Variants in AGMO observed in about 807,000 individuals in gnomAD.
AGMO encodes alkylglycerol monooxygenase.
AGMO carries 75 observed loss-of-function variants against 60.2 expected under a neutral mutation model. The ratio of observed to expected loss-of-function variants is 1.25; its 90% confidence interval spans 1.03 to 1.51. The LOEUF (loss-of-function observed/expected upper bound fraction) is 1.51. Ranked by LOEUF, AGMO falls within the 40% of genes most tolerant of loss-of-function variation. AGMO has a pLI of 0.00. For missense variants in AGMO, 763 were observed against 525.5 expected, an observed-to-expected ratio of 1.45 and a Z score of -4.42; for synonymous variants, 261 against 177.1, an observed-to-expected ratio of 1.47 and a Z score of -3.76.
chr7:15,519,316 G>C (rs1033434621), intron 3 of AGMO, among the ~76,000 whole-genome samples: 1 of 151,648 alleles, frequency 6.6e-6, no homozygotes. Flanking sequence ...ACACCACAAA[G>C]ATTAGCCTTG....
rs552125129 is a variant in AGMO, at chr7:15,439,803, C to T, written c.410-8695G>A. The stretch of plus-strand genomic sequence containing the variant: ...TACTACCTACAAATACAAAGAGTTG[C>T]GTGATATAGTGTGAAACATGCCAGA... On this transcript the variant is annotated intron_variant, in intron 3 of 12. Transcript: ENST00000342526. 4.6e-4 allele frequency among the ~76,000 whole-genome samples: 70 copies of T among 152,102 alleles called. 1 individual carries two copies. The highest frequency in any genetic ancestry group is 2.4e-4 in the Non-Finnish European group (16 of 67,998).
At chr7:15,327,348 G>T (rs1324467577) in intron 12 of AGMO, among the ~76,000 whole-genome samples, 1 of 152,104 alleles carries the variant, frequency 6.6e-6, no homozygotes, top group East Asian at 1.9e-4. Flanking sequence ...AAACATCTTG[G>T]GATATGGCAA....
chr7:15,267,774 T>A (rs1284091155), intron 12 of AGMO, among the ~76,000 whole-genome samples: 12 of 151,928 alleles, frequency 7.9e-5, no homozygotes, highest in Non-Finnish European at 2.9e-5. Flanking sequence ...GAAAAACTTG[T>A]AACAAAATGG....
intron 11 of AGMO, among the ~76,000 whole-genome samples, chr7:15,365,932 A>T (rs1782959269): frequency 6.6e-6 from 1 of 152,064 alleles, no homozygotes; most frequent in African/African-American, 2.4e-5. Context: ...CACTGATTTA[A>T]TGTCTTCATA....
At chr7:15,123,682 T>C in the AGMO span, among the ~76,000 whole-genome samples, 1 of 151,964 alleles carries the variant, frequency 6.6e-6, no homozygotes, top group Non-Finnish European at 1.5e-5. Context: ...ATAAGATAAA[T>C]TAGAAATCAT....
At chr7:15,524,653 G>T (rs893676201) in intron 3 of AGMO, among the ~76,000 whole-genome samples, 1 of 151,858 alleles carries the variant, frequency 6.6e-6, no homozygotes, top group Non-Finnish European at 1.5e-5. Context: ...ACCTAAGGTT[G>T]GGAGTTTGAG....
intron 12 of AGMO, among the ~76,000 whole-genome samples, chr7:15,231,135 A>G (rs1782247431): frequency 6.6e-6 from 1 of 152,180 alleles, no homozygotes; most frequent in Non-Finnish European, 1.5e-5. Flanking sequence ...GTGTAACAAA[A>G]TATAGACTGC....
At chr7:15,547,081 A>C (rs79511682) in intron 2 of AGMO, among the ~76,000 whole-genome samples, 1,911 of 152,294 alleles carry the variant, frequency 0.013, 26 homozygotes, top group African/African-American at 0.043. Flanking sequence ...TAACACTATT[A>C]CAATTTGGGC....
intron 12 of AGMO, among the ~76,000 whole-genome samples, chr7:15,347,099 CTG>C (rs1403762792): frequency 6.6e-6 from 1 of 152,002 alleles, no homozygotes; most frequent in Non-Finnish European, 1.5e-5. Flanking sequence ...TTAAATGACT[CTG>C]TGAAACATTC....
chr7:15,132,769 T>C, the AGMO span, among the ~76,000 whole-genome samples: 16 of 152,128 alleles, frequency 1.1e-4, no homozygotes, highest in Admixed American at 2.6e-4. Context: ...AATTAAACCA[T>C]AGATAAATGA....
chr7:15,422,369 T>A (rs780895154), intron 4 of AGMO, among the ~76,000 whole-genome samples: 8 of 151,866 alleles, frequency 5.3e-5, no homozygotes, highest in Non-Finnish European at 1.0e-4. Context: ...GAGTATTTGA[T>A]AGCACAAAGT....
intron 3 of AGMO, among the ~76,000 whole-genome samples, chr7:15,441,382 T>C (rs957272465): frequency 1.3e-5 from 2 of 152,248 alleles, no homozygotes; most frequent in Non-Finnish European, 1.5e-5. Flanking sequence ...AATCGAATTC[T>C]GGTGCACTTT....
At chr7:15,549,274 C>G (rs1784877007) in intron 2 of AGMO, among the ~76,000 whole-genome samples, 1 of 146,186 alleles carries the variant, frequency 6.8e-6, no homozygotes, top group Admixed American at 6.8e-5. Context: ...AGCAAAATCA[C>G]CAGCTAACAT....
chr7:15,336,493 C>A (rs1781665811), intron 12 of AGMO, among the ~76,000 whole-genome samples: 1 of 151,836 alleles, frequency 6.6e-6, no homozygotes, highest in African/African-American at 2.4e-5. Context: ...ATCCCAAAAT[C>A]AATCTTACTA....
chr7:15,488,964 A>T (rs1419428181), intron 3 of AGMO, among the ~76,000 whole-genome samples: 1 of 152,170 alleles, frequency 6.6e-6, no homozygotes, highest in East Asian at 1.9e-4. Flanking sequence ...CTTCAAACTG[A>T]ATGACTTGGA....
chr7:15,515,752 A>G (rs2128532656), intron 3 of AGMO, among the ~76,000 whole-genome samples: 1 of 152,306 alleles, frequency 6.6e-6, no homozygotes, highest in African/African-American at 2.4e-5. Context: ...AAAAAGCACA[A>G]TGTTGTCCTG....
intron 12 of AGMO, among the ~76,000 whole-genome samples, chr7:15,212,248 A>G (rs925113823): frequency 3.6e-4 from 2 of 5,618 alleles, no homozygotes; most frequent in Non-Finnish European, 6.3e-4. Context: ...GGTGTGGAGT[A>G]CACACACACA....
intron 3 of AGMO, among the ~76,000 whole-genome samples, chr7:15,451,556 A>G (rs6947721): frequency 0.18 from 27,396 of 152,006 alleles, 2,954 homozygotes; most frequent in African/African-American, 0.29. Context: ...CGAGCAGACA[A>G]ATTCCCTCAG....
chr7:15,191,492 A>G, the AGMO span, among the ~76,000 whole-genome samples: 43 of 152,318 alleles, frequency 2.8e-4, 1 homozygote, highest in South Asian at 4.1e-3. Context: ...TTTGGAATCA[A>G]TGACCCAGTC....
Sources: gnomAD v4.1 joint callset for allele counts (sites outside exome capture counted in the v4.1 genomes callset) on GRCh38, gnomAD v4.1.1 for gene constraint, MANE v1.5 for transcripts, NCBI Gene and HGNC (gene_info 2026-07-23, HGNC 2026-07-21) for gene names.